TMTC1: variants seen among roughly 807,000 people sequenced by gnomAD.
TMTC1 encodes the protein protein O-mannosyl-transferase TMTC1.
TMTC1 carries 73 observed loss-of-function variants against 104.8 expected under a neutral mutation model. That is an observed-to-expected ratio of 0.70 (90% CI 0.58 to 0.85). TMTC1 has a LOEUF of 0.85. Among genes scored for constraint, TMTC1 ranks in the 40% least tolerant of loss-of-function variants. The probability of loss-of-function intolerance (pLI) is 0.00; values close to 1 mark genes in which losing one functional copy is unlikely to be tolerated. For synonymous variants in TMTC1, 434 were observed against 428.7 expected (o/e 1.01, Z -0.15); for missense variants, 1,035 against 1,096.1 (o/e 0.94, Z 0.79).
chr12:29,521,392 C>T (rs1299652231), intron 11 of TMTC1, among the ~76,000 whole-genome samples: 1 of 152,104 alleles, frequency 6.6e-6, no homozygotes, highest in Admixed American at 6.5e-5. Context: ...GTTTATATGT[C>T]CCCTCAAGGG....
At position 29,677,494 on chromosome 12, in the gene TMTC1, A is replaced by G. The variant is rs956800757; in HGVS notation, c.939-44158T>C. Among the ~76,000 whole-genome samples, 4 of 152,360 alleles carry G rather than the reference A, an allele frequency of 2.6e-5. No individual in the cohort carries two copies. In the East Asian group the frequency reaches 7.7e-4, roughly 29 times the overall value. On this transcript the variant is annotated intron_variant, in intron 5 of 17. Coordinates refer to ENST00000539277, the MANE Select transcript of TMTC1 (RefSeq NM_001193451.2). ...AAATGATTTAATTTCTTCATTTACA[A>G]AAGACAACTATTCCATCGTTATACC... is the stretch of plus-strand genomic sequence containing the variant.
intron 6 of TMTC1, among the ~76,000 whole-genome samples, chr12:29,626,832 G>A (rs569762616): frequency 2.0e-5 from 3 of 152,322 alleles, no homozygotes; most frequent in African/African-American, 7.2e-5. Flanking sequence ...CAGGCATGGT[G>A]GCTCATGCCT....
intron 10 of TMTC1, among the ~76,000 whole-genome samples, chr12:29,549,654 T>C (rs1018583527): frequency 6.6e-6 from 1 of 152,072 alleles, no homozygotes; most frequent in Non-Finnish European, 1.5e-5. Flanking sequence ...TCTACGAACA[T>C]GCAGGAAATT....
At chr12:29,549,003 T>A (rs1945024537) in intron 10 of TMTC1, among the ~76,000 whole-genome samples, 1 of 144,924 alleles carries the variant, frequency 6.9e-6, no homozygotes. Context: ...ATATATAAAT[T>A]ATATATTATA....
chr12:29,591,076 T>G (rs1361302608), intron 7 of TMTC1, among the ~76,000 whole-genome samples: 2 of 152,236 alleles, frequency 1.3e-5, no homozygotes, highest in Non-Finnish European at 2.9e-5. Flanking sequence ...TCCTTATTAT[T>G]GACATATGGT....
At chr12:29,715,897 T>TCCCTTC (rs1942061949) in intron 5 of TMTC1, among the ~76,000 whole-genome samples, 1 of 152,054 alleles carries the variant, frequency 6.6e-6, no homozygotes, top group African/African-American at 2.4e-5. Flanking sequence ...CCATAATTCA[T>TCCCTTC]CACCTTCCAT....
intron 10 of TMTC1, among the ~76,000 whole-genome samples, chr12:29,548,553 C>T (rs1237114919): frequency 6.6e-6 from 1 of 152,034 alleles, no homozygotes; most frequent in African/African-American, 2.4e-5. Flanking sequence ...CCTGCACACA[C>T]TCTCTTGCCT....
At chr12:29,628,207 A>G (rs541752184) in intron 6 of TMTC1, among the ~76,000 whole-genome samples, 1 of 152,334 alleles carries the variant, frequency 6.6e-6, no homozygotes, top group East Asian at 1.9e-4. Context: ...CAACTTAATT[A>G]GTGAACAGAA....
In TMTC1 at chr12:29,761,952, G is replaced by A. The variant is rs577421726; in HGVS notation, c.481-3175C>T. ...TGTCATCCCAGCACTTTGGGAGACCGAGGTGGACAGATCCCTTGAGCTCAG... is the reference window on the plus strand; with the variant it reads ...TGTCATCCCAGCACTTTGGGAGACCAAGGTGGACAGATCCCTTGAGCTCAG... On this transcript the variant is annotated intron_variant, in intron 2 of 17. Coordinates refer to ENST00000539277, the MANE Select transcript of TMTC1 (RefSeq NM_001193451.2). 9.7e-4 allele frequency among the ~76,000 whole-genome samples: 147 copies of A among 152,232 alleles called. 1 individual carries two copies. Among genetic ancestry groups the A allele is most frequent in the African/African-American group, 3.4e-3 (143 of 41,534 alleles).
chr12:29,605,055 TTGTATTTCCATG>T (rs1021456930), intron 6 of TMTC1, among the ~76,000 whole-genome samples: 3 of 152,188 alleles, frequency 2.0e-5, no homozygotes, highest in Non-Finnish European at 4.4e-5. Flanking sequence ...AAAAACTCAT[TTGTATTTCCATG>T]TGTATTTATG....
At chr12:29,764,355 T>G (rs963387085) in intron 2 of TMTC1, among the ~76,000 whole-genome samples, 2 of 152,154 alleles carry the variant, frequency 1.3e-5, no homozygotes, top group Admixed American at 1.3e-4. Flanking sequence ...GCTATTGATA[T>G]TTATTTTATC....
chr12:29,572,960 G>C (rs528445583), intron 8 of TMTC1, among the ~76,000 whole-genome samples: 9 of 152,328 alleles, frequency 5.9e-5, no homozygotes, highest in Admixed American at 2.0e-4. Context: ...GTAACATGCA[G>C]TGTCCTCTAT....
chr12:29,666,742 A>G (rs1057158552), intron 5 of TMTC1, among the ~76,000 whole-genome samples: 1 of 152,186 alleles, frequency 6.6e-6, no homozygotes, highest in African/African-American at 2.4e-5. Flanking sequence ...CTCAGAATCT[A>G]TAAACACCTG....
intron 6 of TMTC1, among the ~76,000 whole-genome samples, chr12:29,622,658 G>T (rs1455017700): frequency 6.6e-6 from 1 of 152,156 alleles, no homozygotes. Flanking sequence ...TCATCACAAA[G>T]GGTCAGAGCA....
At chr12:29,569,587 T>C (rs370567821) in intron 9 of TMTC1, among the ~76,000 whole-genome samples, 9 of 152,298 alleles carry the variant, frequency 5.9e-5, no homozygotes, top group African/African-American at 1.9e-4. Flanking sequence ...ATAAAGGCAA[T>C]CTTCCAGTTA....
intron 10 of TMTC1, among the ~76,000 whole-genome samples, chr12:29,547,477 G>GAGTA (rs1944972120): frequency 6.6e-6 from 1 of 152,142 alleles, no homozygotes; most frequent in Non-Finnish European, 1.5e-5. Flanking sequence ...GCCAAATCTT[G>GAGTA]AGTAAGTACA....
intron 5 of TMTC1, among the ~76,000 whole-genome samples, chr12:29,660,436 G>C (rs144599033): frequency 3.0e-3 from 459 of 152,216 alleles, no homozygotes; most frequent in Non-Finnish European, 4.6e-3. Context: ...GCAAATACAG[G>C]GTTGTTATAT....
chr12:29,521,856 C>T (rs1944176399), intron 11 of TMTC1, among the ~76,000 whole-genome samples: 1 of 152,242 alleles, frequency 6.6e-6, no homozygotes, highest in East Asian at 1.9e-4. Context: ...GCATGAACCA[C>T]TGCACTTGGC....
At chr12:29,593,127 G>A (rs1046602401) in intron 7 of TMTC1, among the ~76,000 whole-genome samples, 15 of 152,254 alleles carry the variant, frequency 9.9e-5, no homozygotes, top group African/African-American at 3.4e-4. Flanking sequence ...CTCTCCTCTG[G>A]CTGAGCTGGG....
Sources: gnomAD v4.1 joint callset for allele counts (sites outside exome capture counted in the v4.1 genomes callset) on GRCh38, gnomAD v4.1.1 for gene constraint, MANE v1.5 for transcripts, NCBI Gene and HGNC (gene_info 2026-07-23, HGNC 2026-07-21) for gene names.